The following PCDH9 variants were observed in gnomAD, a reference collection of about 807,000 sequenced individuals.
The protein encoded by PCDH9 is protocadherin 9.
Under a neutral mutation model 70.6 loss-of-function variants are expected in PCDH9, and 24 were observed. The observed-to-expected ratio is 0.34, with a 90% CI of 0.25 to 0.48. PCDH9 has a LOEUF of 0.48. PCDH9 is among the 20% of genes least tolerant of loss of function. The pLI, the probability that PCDH9 is intolerant of heterozygous loss-of-function variation, is 0.99. For missense variants in PCDH9, 1,281 were observed against 1,503.6 expected, an observed-to-expected ratio of 0.85 and a Z score of 2.45; for synonymous variants, 562 against 558.5, an observed-to-expected ratio of 1.01 and a Z score of -0.09.
intron 2 of PCDH9, among the ~76,000 whole-genome samples, chr13:67,196,136 T>A (rs908511940): frequency 1.3e-5 from 2 of 152,140 alleles, no homozygotes; most frequent in Non-Finnish European, 2.9e-5. Flanking sequence ...AGTTTCTTCA[T>A]CAAGGAATTG....
rs561256762 is a variant in PCDH9 at position 67,076,072 on chromosome 13, G to A, written c.3036+149333C>T. 2.0e-5 allele frequency among the ~76,000 whole-genome samples: 3 copies of A among 152,136 alleles called. No individual in the cohort carries two copies. In the East Asian group the frequency reaches 5.8e-4, roughly 29 times the overall value. On this transcript the variant is annotated intron_variant, in intron 2 of 4. Transcript: ENST00000377865. ...AAGCAAGCACTCCACTTATAACATC[G>A]AACCTTTCAACCATTTCAAAAAAGA...
At chr13:66,671,306 G>A (rs576823954) in intron 3 of PCDH9, among the ~76,000 whole-genome samples, 4 of 152,086 alleles carry the variant, frequency 2.6e-5, no homozygotes, top group Non-Finnish European at 5.9e-5. Flanking sequence ...CAGTAATTTG[G>A]TAGAGTGGGG....
intron 4 of PCDH9, among the ~76,000 whole-genome samples, chr13:66,510,188 A>G (rs1959398068): frequency 1.3e-5 from 2 of 152,072 alleles, no homozygotes; most frequent in Admixed American, 1.3e-4. Flanking sequence ...TATATTTTCT[A>G]TAAAAGCATT....
chr13:67,067,575 T>C (rs2085673513), intron 2 of PCDH9, among the ~76,000 whole-genome samples: 1 of 151,326 alleles, frequency 6.6e-6, no homozygotes. Context: ...GTAGACACTC[T>C]GTAACCATGT....
intron 3 of PCDH9, among the ~76,000 whole-genome samples, chr13:66,796,503 T>C (rs975038051): frequency 2.0e-5 from 3 of 152,202 alleles, no homozygotes; most frequent in African/African-American, 7.2e-5. Context: ...TTCTCTGGTT[T>C]GAAAAATTAA....
intron 2 of PCDH9, among the ~76,000 whole-genome samples, chr13:67,019,937 A>C (rs1214952741): frequency 1.3e-5 from 2 of 152,152 alleles, no homozygotes; most frequent in Non-Finnish European, 2.9e-5. Flanking sequence ...CTACCTAATA[A>C]TTTGCTGCAT....
intron 2 of PCDH9, among the ~76,000 whole-genome samples, chr13:66,941,892 G>A (rs1004557733): frequency 2.0e-5 from 3 of 151,850 alleles, no homozygotes; most frequent in Non-Finnish European, 4.4e-5. Flanking sequence ...GTGCACCTGG[G>A]AAGTGTACAA....
intron 3 of PCDH9, among the ~76,000 whole-genome samples, chr13:66,863,460 T>C (rs1032362605): frequency 6.6e-6 from 1 of 152,130 alleles, no homozygotes; most frequent in African/African-American, 2.4e-5. Flanking sequence ...GAAACTGACT[T>C]GGTATAATAC....
intron 3 of PCDH9, among the ~76,000 whole-genome samples, chr13:66,825,587 G>A (rs2080809850): frequency 6.6e-6 from 1 of 151,488 alleles, no homozygotes; most frequent in Admixed American, 6.6e-5. Flanking sequence ...CGCCCGTCTC[G>A]GCCTCCCAAA....
intron 3 of PCDH9, among the ~76,000 whole-genome samples, chr13:66,897,206 A>C (rs753616927): frequency 2.6e-5 from 4 of 151,850 alleles, no homozygotes; most frequent in Non-Finnish European, 5.9e-5. Context: ...ATATTTATGG[A>C]AGGAAGAAAA....
intron 4 of PCDH9, among the ~76,000 whole-genome samples, chr13:66,618,887 T>C (rs1402714781): frequency 6.6e-6 from 1 of 152,196 alleles, no homozygotes; most frequent in African/African-American, 2.4e-5. Flanking sequence ...CCAGGGAAAG[T>C]TGACATTACC....
At position 66,409,422 on chromosome 13, in the gene PCDH9, C is replaced by G. The variant is rs138751040; in HGVS notation, c.3341-104394G>C. The stretch of plus-strand genomic sequence containing the variant: ...TCCCCCTTTTTTCCCTATGAAAACA[C>G]ATTTTGCATTGCAAAGGTAGCAAAC... On this transcript the variant is annotated intron_variant, in intron 4 of 4. Coordinates refer to ENST00000377865, the MANE Select transcript of PCDH9 (RefSeq NM_203487.3). Among the ~76,000 whole-genome samples the G allele has an allele frequency of 2.6e-5, 4 of 152,234 alleles. No homozygotes were observed. In the East Asian group the frequency reaches 7.7e-4, roughly 29 times the overall value.
Position 66,302,844 on chromosome 13 carries a change from A to T in PCDH9, c.*1811T>A, listed in dbSNP as rs1346596291. On this transcript the variant is annotated 3_prime_UTR_variant, in exon 5 of 5. Coordinates refer to ENST00000377865, the MANE Select transcript of PCDH9 (RefSeq NM_203487.3). ...ATTAACACACTGCAATCAGGAATTC[A>T]GAACATTTATTGCAAGAGCTGAATA... The T allele has an allele frequency of 6.6e-6, 1 of 152,590 alleles. No homozygotes were observed. The highest frequency in any genetic ancestry group is 1.5e-5 in the Non-Finnish European group (1 of 68,018). 9.5% of individuals were successfully genotyped at this position (152,590 alleles called of 1,614,324 possible).
intron 4 of PCDH9, among the ~76,000 whole-genome samples, chr13:66,609,988 C>G (rs1405154885): frequency 3.6e-5 from 5 of 138,170 alleles, no homozygotes; most frequent in Non-Finnish European, 7.6e-5. Flanking sequence ...GACGGAGTCT[C>G]GCTCTGTCGC....
intron 2 of PCDH9, among the ~76,000 whole-genome samples, chr13:66,999,447 A>T (rs2084193257): frequency 6.6e-6 from 1 of 152,134 alleles, no homozygotes; most frequent in African/African-American, 2.4e-5. Flanking sequence ...TATACCATTA[A>T]ACTAAATATA....
intron 2 of PCDH9, among the ~76,000 whole-genome samples, chr13:67,077,297 T>C (rs1049339927): frequency 2.0e-5 from 3 of 152,210 alleles, no homozygotes; most frequent in Non-Finnish European, 2.9e-5. Flanking sequence ...CAGGCATGCT[T>C]TTACAGGGCC....
At chr13:67,023,258 A>G (rs60483834) in intron 2 of PCDH9, among the ~76,000 whole-genome samples, 4,607 of 152,090 alleles carry the variant, frequency 0.03, 129 homozygotes, top group South Asian at 0.11. Flanking sequence ...ACCTGTTCCA[A>G]ATTAGTACTC....
chr13:67,026,599 A>G (rs1202708764), intron 2 of PCDH9, among the ~76,000 whole-genome samples: 5 of 151,430 alleles, frequency 3.3e-5, no homozygotes, highest in Admixed American at 6.6e-5. Flanking sequence ...AAGGGTATTC[A>G]ATTAGGAAAA....
chr13:66,539,549 A>G lies in PCDH9; in HGVS notation c.3340+91661T>C, dbSNP rs954595452. On this transcript the variant is annotated intron_variant, in intron 4 of 4. Transcript: ENST00000377865. ...GCCATAATATTGGGAGGTGAATACAATCATAGAGCTCAGACATGGCTGGAA... is the reference window on the plus strand; with the variant it reads ...GCCATAATATTGGGAGGTGAATACAGTCATAGAGCTCAGACATGGCTGGAA... 5.3e-5 allele frequency among the ~76,000 whole-genome samples: 8 copies of G among 152,176 alleles called. No homozygotes were observed. The East Asian group carries it at 1.2e-3, about 22-fold the overall frequency.
Sources: allele counts gnomAD v4.1 joint callset (sites outside exome capture counted in the v4.1 genomes callset), GRCh38; gene constraint gnomAD v4.1.1; transcripts MANE v1.5; gene names NCBI Gene and HGNC (gene_info 2026-07-23, HGNC 2026-07-21).